EYS: variants seen among roughly 807,000 people sequenced by gnomAD.
EYS encodes protein eyes shut homolog.
In EYS, 250 loss-of-function variants were observed where a neutral mutation model predicts 282.1. The observed-to-expected ratio is 0.89, with a 90% confidence interval of 0.80 to 0.98. The LOEUF (loss-of-function observed/expected upper bound fraction) is 0.98. Ranked by LOEUF, EYS falls within the 50% of genes least tolerant of loss-of-function variation. The probability of loss-of-function intolerance (pLI) is 0.00; values close to 1 mark genes in which losing one functional copy is unlikely to be tolerated. For synonymous variants in EYS, 1,355 were observed against 1,282.9 expected (o/e 1.06, Z -1.20); for missense variants, 4,016 against 3,709.0 (o/e 1.08, Z -2.15).
At chr6:64,430,483 A>G (rs1405090862) in intron 28 of EYS, among the ~76,000 whole-genome samples, 1 of 152,186 alleles carries the variant, frequency 6.6e-6, no homozygotes, top group African/African-American at 2.4e-5. Flanking sequence ...ATCAGTACAT[A>G]TTTTGTAAGC....
rs899089851 is a variant in EYS, at chr6:65,106,407, G to T, written c.2024-48680C>A. On this transcript the variant is annotated intron_variant, in intron 12 of 42. Transcript: ENST00000503581. ...CCTTTTTCACGTAGTGCCCTTAAAAGAAGAAAACAGATGTCTTAAATACAT... is the reference window on the plus strand; with the variant it reads ...CCTTTTTCACGTAGTGCCCTTAAAATAAGAAAACAGATGTCTTAAATACAT... Among the ~76,000 whole-genome samples the T allele has an allele frequency of 2.4e-4, 36 of 151,842 alleles. 1 individual carries two copies. The highest frequency in any genetic ancestry group is 8.7e-4 in the African/African-American group (36 of 41,378).
intron 12 of EYS, among the ~76,000 whole-genome samples, chr6:65,075,277 A>G (rs763639226): frequency 6.6e-6 from 1 of 152,036 alleles, no homozygotes; most frequent in Non-Finnish European, 1.5e-5. Context: ...ATCATTTCAC[A>G]AAACACTGCC....
At chr6:63,981,775 A>AT (rs913601201) in intron 35 of EYS, among the ~76,000 whole-genome samples, 7 of 151,714 alleles carry the variant, frequency 4.6e-5, no homozygotes, top group East Asian at 3.9e-4. Context: ...TGACTGATAC[A>AT]TTTTTTTGTG....
At chr6:64,327,829 CAGGA>C (rs1770487987) in intron 29 of EYS, among the ~76,000 whole-genome samples, 1 of 152,160 alleles carries the variant, frequency 6.6e-6, no homozygotes, top group Non-Finnish European at 1.5e-5. Context: ...AAGGCTTAGA[CAGGA>C]AGCTGCCCCA....
intron 5 of EYS, among the ~76,000 whole-genome samples, chr6:65,449,311 AT>A (rs1375366481): frequency 6.6e-6 from 1 of 152,102 alleles, no homozygotes; most frequent in African/African-American, 2.4e-5. Context: ...CATTTCCCTT[AT>A]TGGGATGCAT....
chr6:64,138,118 T>C (rs970001918), intron 31 of EYS, among the ~76,000 whole-genome samples: 7 of 152,168 alleles, frequency 4.6e-5, no homozygotes, highest in Admixed American at 2.6e-4. Flanking sequence ...TGACCATTCC[T>C]AAACTCAAGC....
At chr6:64,028,118 G>A (rs1769625278) in intron 33 of EYS, among the ~76,000 whole-genome samples, 1 of 152,162 alleles carries the variant, frequency 6.6e-6, no homozygotes, top group Non-Finnish European at 1.5e-5. Context: ...TATTAGCCAA[G>A]GCTGGAGCTA....
At chr6:64,199,626 C>T (rs1230043396) in intron 31 of EYS, among the ~76,000 whole-genome samples, 2 of 152,144 alleles carry the variant, frequency 1.3e-5, no homozygotes, top group Non-Finnish European at 2.9e-5. Context: ...AAACCACCAT[C>T]AGAGTGAACA....
intron 22 of EYS, among the ~76,000 whole-genome samples, chr6:64,636,270 C>T (rs1022835455): frequency 1.3e-5 from 2 of 152,040 alleles, no homozygotes; most frequent in Admixed American, 6.6e-5. Context: ...GAACAGAGCC[C>T]TCAGAAATAA....
chr6:63,852,756 C>T (rs1490418851), intron 36 of EYS, among the ~76,000 whole-genome samples: 1 of 152,148 alleles, frequency 6.6e-6, no homozygotes, highest in Non-Finnish European at 1.5e-5. Flanking sequence ...TAACTGAATC[C>T]AGTAGCACAT....
intron 12 of EYS, among the ~76,000 whole-genome samples, chr6:65,141,868 G>C (rs1367318159): frequency 6.6e-6 from 1 of 151,994 alleles, no homozygotes; most frequent in African/African-American, 2.4e-5. Context: ...GAAGACATTT[G>C]TAGGTGAAGA....
chr6:64,332,979 TA>T (rs1246203012), intron 29 of EYS, among the ~76,000 whole-genome samples: 2 of 152,196 alleles, frequency 1.3e-5, no homozygotes, highest in African/African-American at 4.8e-5. Flanking sequence ...TACTTTCACC[TA>T]TGGTTATAAA....
intron 22 of EYS, among the ~76,000 whole-genome samples, chr6:64,651,602 G>A (rs1768564021): frequency 6.6e-6 from 1 of 152,330 alleles, no homozygotes; most frequent in East Asian, 1.9e-4. Context: ...AGAATCGCTT[G>A]AACCCGGGAG....
chr6:65,504,688 A>T (rs952897839), intron 2 of EYS, among the ~76,000 whole-genome samples: 2 of 151,588 alleles, frequency 1.3e-5, no homozygotes, highest in East Asian at 3.9e-4. Context: ...TCGATATGGT[A>T]GATTACAATG....
At chr6:64,643,871 A>C (rs1582989890) in intron 22 of EYS, among the ~76,000 whole-genome samples, 1 of 152,226 alleles carries the variant, frequency 6.6e-6, no homozygotes, top group African/African-American at 2.4e-5. Flanking sequence ...CTATAAGTCC[A>C]TTAAACCTCT....
intron 18 of EYS, among the ~76,000 whole-genome samples, chr6:64,899,914 A>G (rs1467822151): frequency 2.0e-5 from 3 of 152,106 alleles, no homozygotes; most frequent in Non-Finnish European, 4.4e-5. Context: ...AAAAGAGCCC[A>G]TATACCCAAG....
At chr6:65,414,066 C>A (rs1326593666) in intron 5 of EYS, among the ~76,000 whole-genome samples, 1 of 152,016 alleles carries the variant, frequency 6.6e-6, no homozygotes, top group African/African-American at 2.4e-5. Context: ...TGCTACCCCA[C>A]AATAGATTCT....
At chr6:64,810,172 A>G (rs950191663) in intron 22 of EYS, among the ~76,000 whole-genome samples, 1 of 152,046 alleles carries the variant, frequency 6.6e-6, no homozygotes, top group African/African-American at 2.4e-5. Context: ...AATAACAGAA[A>G]CGTATGACAC....
Position 63,976,263 on chromosome 6 carries a change from A to C in EYS, c.7055+8120T>G, listed in dbSNP as rs559525563. Among the ~76,000 whole-genome samples, 10 of 152,170 alleles carry C rather than the reference A, an allele frequency of 6.6e-5. No individual in the cohort carries two copies. The East Asian group carries it at 1.9e-3, about 29-fold the overall frequency. ...TATAAATACCATGCACTTAGTCTAT[A>C]CTAAATTTACAAAAACAAAAGTAAT... On this transcript the variant is annotated intron_variant, in intron 35 of 42. Coordinates refer to ENST00000503581, the MANE Select transcript of EYS (RefSeq NM_001142800.2).
Sources: allele counts gnomAD v4.1 joint callset (sites outside exome capture counted in the v4.1 genomes callset), GRCh38; gene constraint gnomAD v4.1.1; transcripts MANE v1.5; gene names NCBI Gene and HGNC (gene_info 2026-07-23, HGNC 2026-07-21).